The following NARF variants were observed in gnomAD, a reference collection of about 807,000 sequenced individuals.
NARF encodes iron-only hydrogenase-like protein 2.
Under a neutral mutation model 48.0 loss-of-function variants are expected in NARF, and 41 were observed. The ratio of observed to expected loss-of-function variants is 0.85; its 90% CI spans 0.66 to 1.11. The LOEUF (loss-of-function observed/expected upper bound fraction) is 1.11. NARF is among the 50% of genes least tolerant of loss of function. The pLI, the probability that NARF is intolerant of heterozygous loss-of-function variation, is 0.00. For missense variants in NARF, 613 were observed against 590.2 expected (o/e 1.04, Z -0.40); for synonymous variants, 215 against 225.5 (o/e 0.95, Z 0.42).
At chr17:82,464,196 T>C in intron 2 of NARF, 91 bp from the exon 3 acceptor site, 2 of 1,493,246 alleles carry the variant, frequency 1.3e-6, no homozygotes, top group Non-Finnish European at 1.8e-6. Flanking sequence ...CAATGTTTAC[T>C]GTGAATTCTG....
At chr17:82,459,114 C>T (rs1275073528) in intron 1 of NARF, 15 of 1,180,784 alleles carry the variant, frequency 1.3e-5, no homozygotes, top group East Asian at 3.7e-5. Context: ...TGCCGCGCAC[C>T]ACAGTCCGAG....
chr17:82,475,354 A>G (rs1183576070), intron 5 of NARF, among the ~76,000 whole-genome samples: 1 of 152,238 alleles, frequency 6.6e-6, no homozygotes, highest in Admixed American at 6.5e-5. Context: ...TAATCCCAGC[A>G]CTTTGGGAGG....
intron 10 of NARF, among the ~76,000 whole-genome samples, chr17:82,486,547 G>A (rs1291296952): frequency 6.6e-6 from 1 of 152,198 alleles, no homozygotes; most frequent in Non-Finnish European, 1.5e-5. Context: ...CAAGAGGAGG[G>A]TGAGGGCAGA....
intron 1 of NARF, chr17:82,459,151 C>CAGA (rs2073810390): frequency 3.5e-6 from 4 of 1,142,720 alleles, no homozygotes; most frequent in South Asian, 4.4e-5. Flanking sequence ...CGGGAATGAT[C>CAGA]AGAAGCGTTT....
intron 3 of NARF, among the ~76,000 whole-genome samples, chr17:82,465,077 C>T (rs2043531851): frequency 6.6e-6 from 1 of 152,114 alleles, no homozygotes; most frequent in Admixed American, 6.6e-5. Flanking sequence ...CAGGGAACAA[C>T]CATGGCGGAA....
At chr17:82,461,878 C>T (rs1479081636) in intron 2 of NARF, among the ~76,000 whole-genome samples, 1 of 152,168 alleles carries the variant, frequency 6.6e-6, no homozygotes, top group Non-Finnish European at 1.5e-5. Flanking sequence ...GCTGTGGGGA[C>T]TGTGGGGCTT....
In NARF at chr17:82,472,631, C is replaced by T. The variant is rs777441099; in HGVS notation, c.453C>T (p.Phe151=). 26 of 1,613,822 alleles carry T rather than the reference C, an allele frequency of 1.6e-5. No homozygotes were observed. Among genetic ancestry groups the T allele is most frequent in the East Asian group, 1.3e-4 (6 of 44,870 alleles). ...GTATCCTGGAGAGTCAAAAAGAATTCGTGCGTCGCTATCGCCAGCACAGTG... is the reference window on the plus strand; with the variant it reads ...GTATCCTGGAGAGTCAAAAAGAATTTGTGCGTCGCTATCGCCAGCACAGTG... ...DFSILESQKE[F]VRRYRQHSEE... Residue 151 remains phenylalanine (F), a synonymous_variant, in exon 5 of 11, where the codon TTC becomes TTT. Coordinates refer to ENST00000309794, the MANE Select transcript of NARF (RefSeq NM_012336.4).
chr17:82,488,524 A>G lies in NARF; in HGVS notation c.*367A>G, dbSNP rs2044148401. The G allele has an allele frequency of 3.5e-5, 7 of 200,752 alleles. No individual in the cohort carries two copies. In the South Asian group the frequency reaches 5.9e-4, roughly 17 times the overall value. 12.4% of individuals were successfully genotyped at this position (200,752 alleles called of 1,614,324 possible). On this transcript the variant is annotated 3_prime_UTR_variant, in exon 11 of 11. Coordinates refer to ENST00000309794, the MANE Select transcript of NARF (RefSeq NM_012336.4). ...CCGAGTAGCTGGGACTAACGCGCAC[A>G]CCACCATGCCCAGCTAATTTTTGTA... is the stretch of plus-strand genomic sequence containing the variant.
At chr17:82,472,477 C>G (rs909827438) in intron 4 of NARF, 87 bp from the exon 5 acceptor site, 1 of 1,399,752 alleles carries the variant, frequency 7.1e-7, no homozygotes, top group African/African-American at 1.5e-5. Context: ...GAACGAGACT[C>G]CGTCTCAAAA....
intron 3 of NARF, among the ~76,000 whole-genome samples, chr17:82,468,087 G>A (rs1175189505): frequency 1.3e-5 from 2 of 152,042 alleles, no homozygotes; most frequent in African/African-American, 4.8e-5. Flanking sequence ...CGAGGCAGGT[G>A]GATCACAAGG....
chr17:82,458,757 G>C lies in NARF; in HGVS notation c.-47G>C, dbSNP rs1451197572. ...GGCAGTGGTGTCCCAGTCTCCCGGT[G>C]CTTCCCTGAGGCTGAGGCGCCCGGC... On this transcript the variant is annotated 5_prime_UTR_variant, in exon 1 of 11. Coordinates refer to ENST00000309794, the MANE Select transcript of NARF (RefSeq NM_012336.4). 43 of 1,479,118 alleles carry C rather than the reference G, an allele frequency of 2.9e-5. No homozygotes were observed. Among genetic ancestry groups the C allele is most frequent in the Non-Finnish European group, 3.7e-5 (42 of 1,121,186 alleles). The allele number at this position is 1,479,118 out of a possible 1,614,324, so 91.6% of individuals were successfully genotyped here.
At position 82,484,845 on chromosome 17, in the gene NARF, G is replaced by C. The variant is rs201703328; in HGVS notation, c.866G>C (p.Arg289Pro). 6.2e-7 allele frequency: 1 copy of C among 1,609,934 alleles called. No homozygotes were observed. Among genetic ancestry groups the C allele is most frequent in the Non-Finnish European group, 8.5e-7 (1 of 1,177,982 alleles). Residue 289 changes from arginine (R) to proline (P), a missense_variant, in exon 9 of 11, where the codon CGT becomes CCT. Transcript: ENST00000309794. ...GACTTGAAGGAGGACAAAGTGACGC[G>C]TCATGATGGAGCCAGCTCAGACGGG... ...FGDLKEDKVT[R>P]HDGASSDGHL...
intron 5 of NARF, among the ~76,000 whole-genome samples, chr17:82,475,465 C>T (rs1287690356): frequency 2.6e-5 from 4 of 152,052 alleles, no homozygotes; most frequent in African/African-American, 9.7e-5. Context: ...CCAGGTGTGG[C>T]GGGCACCTGT....
chr17:82,479,511 G>A (rs922016037), intron 6 of NARF, among the ~76,000 whole-genome samples: 7 of 152,050 alleles, frequency 4.6e-5, no homozygotes, highest in Admixed American at 3.9e-4. Flanking sequence ...AACCCTCTGC[G>A]GCCCCCAGGT....
At chr17:82,471,872 A>G (rs888085040) in intron 4 of NARF, among the ~76,000 whole-genome samples, 2 of 151,848 alleles carry the variant, frequency 1.3e-5, no homozygotes, top group African/African-American at 4.8e-5. Context: ...GAACCATCAC[A>G]GACTGAAATT....
Position 82,488,275 on chromosome 17 carries a change from CT to C in NARF, c.*121del. 1 of 1,444,172 alleles carries C rather than the reference CT, an allele frequency of 6.9e-7. No homozygotes were observed. 89.5% of individuals were successfully genotyped at this position (1,444,172 alleles called of 1,614,324 possible). A position where few individuals can be genotyped will look rare whatever the true frequency, so the allele number is the denominator to read the frequency against. On this transcript the variant is annotated 3_prime_UTR_variant, in exon 11 of 11. Transcript: ENST00000309794. ...CTTAAGAAAACCGCTCAATGGATTA[CT>C]TTGGTTTCTCCGAGTTCCCTGCTAC...
upstream of NARF, chr17:82,458,488 G>A (rs954550120): frequency 1.5e-5 from 5 of 341,462 alleles, no homozygotes; most frequent in Non-Finnish European, 2.7e-5. Flanking sequence ...ACCGGCGCAA[G>A]GACCCGGTCC....
chr17:82,473,553 G>A (rs113082506), intron 5 of NARF, among the ~76,000 whole-genome samples: 26,254 of 150,220 alleles, frequency 0.17, 2,894 homozygotes, highest in African/African-American at 0.28. Flanking sequence ...GGGTTTCACC[G>A]TGTTAGTCAG....
At chr17:82,481,947 A>G (rs1450319781) in intron 7 of NARF, 3 of 321,642 alleles carry the variant, frequency 9.3e-6, no homozygotes, top group African/African-American at 2.3e-5. Flanking sequence ...CGTTTGCTCC[A>G]GTGATATTGC....
Sources: allele counts gnomAD v4.1 joint callset (sites outside exome capture counted in the v4.1 genomes callset), GRCh38; gene constraint gnomAD v4.1.1; transcripts MANE v1.5; gene names NCBI Gene and HGNC (gene_info 2026-07-23, HGNC 2026-07-21).